Variants in ESR1 observed in about 807,000 individuals in gnomAD.
ESR1 encodes estrogen receptor 1.
In ESR1, 12 loss-of-function variants were observed where a neutral mutation model predicts 52.7. The ratio of observed to expected loss-of-function variants is 0.23; its 90% CI spans 0.15 to 0.37. The LOEUF (loss-of-function observed/expected upper bound fraction) is 0.37. ESR1 is among the 10% of genes least tolerant of loss of function. The probability of loss-of-function intolerance (pLI) is 1.00; values close to 1 mark genes in which losing one functional copy is unlikely to be tolerated. For synonymous variants in ESR1, 305 were observed against 316.8 expected (o/e 0.96, Z 0.39); for missense variants, 584 against 779.7 (o/e 0.75, Z 2.99).
chr6:151,855,437 A>G (rs1388256448), intron 2 of ESR1, among the ~76,000 whole-genome samples: 1 of 152,002 alleles, frequency 6.6e-6, no homozygotes. Context: ...TTCACTCTTC[A>G]TAGCACATTT....
Position 152,094,263 on chromosome 6 carries a change from A to G in ESR1, c.1370-122A>G, listed in dbSNP as rs1281648571. The G allele has an allele frequency of 3.5e-6, 3 of 861,270 alleles. No individual in the cohort carries two copies. Among genetic ancestry groups the G allele is most frequent in the Non-Finnish European group, 6.0e-6 (3 of 499,006 alleles). 53.4% of individuals were successfully genotyped at this position (861,270 alleles called of 1,614,324 possible). A position where few individuals can be genotyped will look rare whatever the true frequency, so the allele number is the denominator to read the frequency against. ...TTTTAAATGGGTCCAGAGCATCCCC[A>G]TTGCTAGACTACTGTGCTGAGGAAG... is the stretch of plus-strand genomic sequence containing the variant. On this transcript the variant is annotated intron_variant, in intron 6 of 7. Coordinates refer to ENST00000206249, the MANE Select transcript of ESR1 (RefSeq NM_000125.4). The surrounding 1 kb of genome is among the most constrained non-coding windows in gnomAD (Gnocchi z 4.6).
At chr6:152,037,092 C>T (rs548588899) in intron 5 of ESR1, among the ~76,000 whole-genome samples, 23 of 152,314 alleles carry the variant, frequency 1.5e-4, no homozygotes, top group African/African-American at 5.5e-4. Context: ...CCCTGCTTTA[C>T]ATTTATTTCT....
At position 151,983,167 on chromosome 6, in the gene ESR1, A is replaced by T. The variant is rs9371235; in HGVS notation, c.1097-28489A>T. The stretch of plus-strand genomic sequence containing the variant: ...ATGACAGTTCAGTGCAACAAGTGCT[A>T]TAATAGACTCATGAACTGGAAGCTC... On this transcript the variant is annotated intron_variant, in intron 4 of 7. Coordinates refer to ENST00000206249, the MANE Select transcript of ESR1 (RefSeq NM_000125.4). Among the ~76,000 whole-genome samples the T allele has an allele frequency of 3.4e-3, 516 of 152,258 alleles. 5 individuals are homozygous for T. The highest frequency in any genetic ancestry group is 0.013 in the East Asian group (66 of 5,186).
intron 3 of ESR1, among the ~76,000 whole-genome samples, chr6:151,928,756 A>G (rs915353145): frequency 1.6e-4 from 25 of 151,796 alleles, no homozygotes; most frequent in African/African-American, 5.8e-4. Flanking sequence ...TTGATGTTCT[A>G]TTTTTATCTT....
At chr6:151,664,133 A>G (rs1281540144) in intron 1 of ESR1, among the ~76,000 whole-genome samples, 1 of 152,232 alleles carries the variant, frequency 6.6e-6, no homozygotes, top group African/African-American at 2.4e-5. Flanking sequence ...TCAAAAAGAA[A>G]AGGCTGAAGT....
intron 2 of ESR1, among the ~76,000 whole-genome samples, chr6:151,727,398 C>T (rs1781926651): frequency 6.6e-6 from 1 of 152,096 alleles, no homozygotes; most frequent in Non-Finnish European, 1.5e-5. Context: ...GATGGGGTTT[C>T]CCCATGTTGG....
intron 3 of ESR1, among the ~76,000 whole-genome samples, chr6:151,926,959 A>G (rs2032855891): frequency 6.6e-6 from 1 of 152,116 alleles, no homozygotes; most frequent in Admixed American, 6.5e-5. Flanking sequence ...GTTTTTTGTC[A>G]TTAAGAATAA....
At chr6:152,034,954 G>A (rs567461868) in intron 5 of ESR1, among the ~76,000 whole-genome samples, 3 of 152,256 alleles carry the variant, frequency 2.0e-5, no homozygotes, top group Non-Finnish European at 4.4e-5. Context: ...TGCTAACTAC[G>A]CACGTGACAA....
chr6:151,814,533 C>T (rs372859127), intron 1 of ESR1, among the ~76,000 whole-genome samples: 32 of 152,134 alleles, frequency 2.1e-4, no homozygotes, highest in African/African-American at 7.7e-4. Context: ...AAATTTGGAA[C>T]AGGGCTAAAC....
At chr6:152,007,145 A>G (rs1419695837) in intron 4 of ESR1, among the ~76,000 whole-genome samples, 2 of 152,034 alleles carry the variant, frequency 1.3e-5, no homozygotes, top group East Asian at 3.9e-4. Context: ...GAGCCTTGCC[A>G]CACTCAGTAA....
chr6:151,996,168 G>A (rs550406351), intron 4 of ESR1, among the ~76,000 whole-genome samples: 1 of 152,242 alleles, frequency 6.6e-6, no homozygotes, highest in South Asian at 2.1e-4. Context: ...CAGCCTCCTT[G>A]TTTGCATCTG....
At chr6:151,821,444 T>A (rs1371068134) in intron 1 of ESR1, among the ~76,000 whole-genome samples, 1 of 152,246 alleles carries the variant, frequency 6.6e-6, no homozygotes, top group East Asian at 1.9e-4. Context: ...TTTCCTATAC[T>A]TCCATTTAGA....
intron 1 of ESR1, among the ~76,000 whole-genome samples, chr6:151,810,028 TC>T (rs1429278407): frequency 6.6e-6 from 1 of 152,162 alleles, no homozygotes; most frequent in Non-Finnish European, 1.5e-5. Flanking sequence ...AATTTTCAGT[TC>T]TTTTATTGCA....
intron 2 of ESR1, among the ~76,000 whole-genome samples, chr6:151,740,045 A>G (rs1407545400): frequency 6.6e-6 from 1 of 152,176 alleles, no homozygotes; most frequent in Non-Finnish European, 1.5e-5. Flanking sequence ...TATTATTGCC[A>G]GGGTTCCCCT....
rs1187103759 is a variant in ESR1, at chr6:151,899,371, C to T, written c.760+18600C>T. Among the ~76,000 whole-genome samples, 69 of 126,794 alleles carry T rather than the reference C, an allele frequency of 5.4e-4. 5 individuals are homozygous for T. Among genetic ancestry groups the T allele is most frequent in the African/African-American group, 2.3e-3 (68 of 29,166 alleles). 83.2% of individuals were successfully genotyped at this position (126,794 alleles called of 152,430 possible). A position where few individuals can be genotyped will look rare whatever the true frequency, so the allele number is the denominator to read the frequency against. ...GGGGCTGACCCCCCCACCTCCTTCC[C>T]GGACGGGGCGGCTGGCCGGGCAGAG... On this transcript the variant is annotated intron_variant, in intron 3 of 7. Transcript: ENST00000206249.
intron 2 of ESR1, among the ~76,000 whole-genome samples, chr6:151,850,946 CT>C (rs892618502): frequency 7.9e-5 from 12 of 152,010 alleles, no homozygotes; most frequent in African/African-American, 2.2e-4. Context: ...TGTCTTTTTT[CT>C]TGTTGCGAGA....
intron 2 of ESR1, among the ~76,000 whole-genome samples, chr6:151,728,592 G>A (rs1328637141): frequency 2.0e-5 from 3 of 152,168 alleles, no homozygotes; most frequent in Non-Finnish European, 4.4e-5. Context: ...TATTCAAAAT[G>A]TACAGTTTTA....
At chr6:151,916,919 G>A (rs145362724) in intron 3 of ESR1, among the ~76,000 whole-genome samples, 24 of 152,218 alleles carry the variant, frequency 1.6e-4, no homozygotes, top group African/African-American at 4.1e-4. Flanking sequence ...TTTAAGTCTC[G>A]AGAAATATGA....
intron 1 of ESR1, among the ~76,000 whole-genome samples, chr6:151,673,115 G>A (rs1387591556): frequency 1.3e-5 from 2 of 151,942 alleles, no homozygotes; most frequent in African/African-American, 4.8e-5. Flanking sequence ...CATGAGCCAC[G>A]GCGCCCGGCT....
Sources: gnomAD v4.1 joint callset for allele counts (sites outside exome capture counted in the v4.1 genomes callset) on GRCh38, gnomAD v4.1.1 for gene constraint, Gnocchi (gnomAD v3.1) non-coding constraint, MANE v1.5 for transcripts, NCBI Gene and HGNC (gene_info 2026-07-23, HGNC 2026-07-21) for gene names.